Variants in NACC2 observed in about 807,000 individuals in gnomAD.
NACC2 encodes nucleus accumbens-associated protein 2.
NACC2 carries 8 observed loss-of-function variants against 25.1 expected under a neutral mutation model. The observed-to-expected ratio is 0.32, with a 90% CI of 0.19 to 0.57. The LOEUF (loss-of-function observed/expected upper bound fraction) is 0.57, where lower values mean the gene tolerates loss of function less well. Ranked by LOEUF, NACC2 falls within the 20% of genes least tolerant of loss-of-function variation. The probability of loss-of-function intolerance (pLI) is 0.89; values close to 1 mark genes in which losing one functional copy is unlikely to be tolerated. For synonymous variants in NACC2, 435 were observed against 294.7 expected (o/e 1.48, Z -4.88); for missense variants, 644 against 650.2 (o/e 0.99, Z 0.10).
At position 136,080,259 on chromosome 9, in the gene NACC2, G is replaced by C. The variant is rs1305482517; in HGVS notation, c.-60+14930C>G. Among the ~76,000 whole-genome samples, 3 of 152,106 alleles carry C rather than the reference G, an allele frequency of 2.0e-5. No individual in the cohort carries two copies. In the South Asian group the frequency reaches 6.2e-4, roughly 32 times the overall value. On this transcript the variant is annotated intron_variant, in intron 1 of 5. Transcript: ENST00000277554. Reference sequence around the variant, plus strand: ...ACAGCCTCATCCCAGCAGGGCCCCCGCACCCATCTCTGTGCTCTCCTTCTC... The same window carrying C: ...ACAGCCTCATCCCAGCAGGGCCCCCCCACCCATCTCTGTGCTCTCCTTCTC...
intron 1 of NACC2, among the ~76,000 whole-genome samples, chr9:136,051,604 G>A (rs1319444763): frequency 1.3e-4 from 20 of 152,118 alleles, no homozygotes; most frequent in African/African-American, 4.6e-4. Context: ...GCGGGCGGCC[G>A]CAGAGGCGCC....
intron 2 of NACC2, among the ~76,000 whole-genome samples, chr9:136,023,310 G>T (rs1203933547): frequency 6.6e-6 from 1 of 151,848 alleles, no homozygotes; most frequent in Non-Finnish European, 1.5e-5. Context: ...CCCGACGCGA[G>T]GGGCCGGCAT....
intron 3 of NACC2, among the ~76,000 whole-genome samples, chr9:136,014,222 C>A (rs1263552340): frequency 9.9e-5 from 15 of 152,084 alleles, no homozygotes; most frequent in Non-Finnish European, 1.9e-4. Flanking sequence ...GCCACAGCGC[C>A]CCCCACCCTC....
intron 1 of NACC2, among the ~76,000 whole-genome samples, chr9:136,068,986 C>T (rs931185460): frequency 6.7e-6 from 1 of 149,978 alleles, no homozygotes; most frequent in Non-Finnish European, 1.5e-5. Flanking sequence ...GGCACAATCT[C>T]GGCTCTGTCT....
At chr9:136,025,628 AC>A (rs1840376110) in intron 2 of NACC2, among the ~76,000 whole-genome samples, 1 of 151,894 alleles carries the variant, frequency 6.6e-6, no homozygotes, top group African/African-American at 2.4e-5. Context: ...AAAAAAAAAA[AC>A]GCAGCCGGGC....
intron 2 of NACC2, 110 bp downstream of exon 2, chr9:136,049,526 T>A: frequency 1.6e-6 from 1 of 621,020 alleles, no homozygotes; most frequent in Admixed American, 2.7e-5. Context: ...GGTGGGGGGC[T>A]CCCCTGTGGC....
chr9:136,053,808 G>A (rs1447860415), intron 1 of NACC2, among the ~76,000 whole-genome samples: 3 of 152,236 alleles, frequency 2.0e-5, no homozygotes, highest in Admixed American at 6.5e-5. Context: ...CAAAAGAGGG[G>A]ACAGGCAGAG....
At chr9:136,015,417 C>T (rs1350989834) in intron 3 of NACC2, among the ~76,000 whole-genome samples, 2 of 152,204 alleles carry the variant, frequency 1.3e-5, no homozygotes, top group Admixed American at 6.5e-5. Flanking sequence ...CCCAACACTG[C>T]CAGGTGCAGC....
At chr9:136,045,149 C>T (rs1302281314) in intron 2 of NACC2, among the ~76,000 whole-genome samples, 1 of 152,228 alleles carries the variant, frequency 6.6e-6, no homozygotes, top group Admixed American at 6.5e-5. Flanking sequence ...GTTCAGACCG[C>T]CCCATGGAAG....
intron 1 of NACC2, among the ~76,000 whole-genome samples, chr9:136,087,261 G>C (rs1379344907): frequency 6.6e-6 from 1 of 152,208 alleles, no homozygotes; most frequent in Non-Finnish European, 1.5e-5. Context: ...GCAGAACTGG[G>C]ACAGGAGCAC....
rs139182963 is a variant in NACC2 at position 136,071,213 on chromosome 9, G to A, written c.-59-20633C>T. 4.1e-3 allele frequency among the ~76,000 whole-genome samples: 617 copies of A among 150,894 alleles called. 29 individuals carry two copies. The highest frequency in any genetic ancestry group is 0.015 in the African/African-American group (596 of 40,714). On this transcript the variant is annotated intron_variant, in intron 1 of 5. Transcript: ENST00000277554. Reference sequence around the variant, plus strand: ...ATGCCACTACACTCCATCCAGCCTGGGAGACAGAGCAAGACTACGTCTCAA... The same window carrying A: ...ATGCCACTACACTCCATCCAGCCTGAGAGACAGAGCAAGACTACGTCTCAA...
rs571575110 is a variant in NACC2, at chr9:136,022,857, G to T, written c.887-6428C>A. On this transcript the variant is annotated intron_variant, in intron 2 of 5. Coordinates refer to ENST00000277554, the MANE Select transcript of NACC2 (RefSeq NM_144653.5). This position sits in a 1 kb window ranked among gnomAD's most constrained non-coding sequence, Gnocchi z 4.4. ...GCAAAGGTGCCACCAATTTAATCAT[G>T]CCACGCCATAACTGGGAAGGCAAAC... Among the ~76,000 whole-genome samples the T allele has an allele frequency of 6.6e-6, 1 of 151,422 alleles. No individual in the cohort carries two copies. Among genetic ancestry groups the T allele is most frequent in the East Asian group, 2.0e-4 (1 of 5,034 alleles).
intron 1 of NACC2, among the ~76,000 whole-genome samples, chr9:136,073,236 T>C (rs1373810916): frequency 6.6e-6 from 1 of 152,068 alleles, no homozygotes; most frequent in Non-Finnish European, 1.5e-5. Context: ...AAAACCAGCC[T>C]AGGCAACATA....
chr9:136,094,915 C>T (rs1830473147), intron 1 of NACC2, among the ~76,000 whole-genome samples: 1 of 148,950 alleles, frequency 6.7e-6, no homozygotes, highest in Non-Finnish European at 1.5e-5. Context: ...GAACGCGCGG[C>T]GCGGCGTCCC....
intron 1 of NACC2, among the ~76,000 whole-genome samples, chr9:136,070,674 A>C (rs1194688085): frequency 6.6e-6 from 1 of 151,286 alleles, no homozygotes; most frequent in Admixed American, 6.6e-5. Context: ...ATCAGAAAAA[A>C]AAAAAACAAA....
intron 2 of NACC2, among the ~76,000 whole-genome samples, 198 bp from the exon 3 acceptor site, chr9:136,016,627 G>A (rs552862180): frequency 6.6e-6 from 1 of 152,266 alleles, no homozygotes; most frequent in South Asian, 2.1e-4. Context: ...CCTACTTGGT[G>A]CCCTCTTGCC....
At chr9:136,085,893 C>T (rs1043210476) in intron 1 of NACC2, among the ~76,000 whole-genome samples, 9 of 152,116 alleles carry the variant, frequency 5.9e-5, no homozygotes, top group Non-Finnish European at 1.0e-4. Flanking sequence ...GCCCAGAGGC[C>T]GGGCGCCGTG....
At chr9:136,043,283 T>C (rs1273222173) in intron 2 of NACC2, among the ~76,000 whole-genome samples, 1 of 152,218 alleles carries the variant, frequency 6.6e-6, no homozygotes, top group Non-Finnish European at 1.5e-5. Flanking sequence ...TTTTAAAAAA[T>C]GGACAAAAGA....
At chr9:136,032,900 C>T (rs1840494474) in intron 2 of NACC2, among the ~76,000 whole-genome samples, 1 of 152,078 alleles carries the variant, frequency 6.6e-6, no homozygotes, top group Non-Finnish European at 1.5e-5. Context: ...CGCCTGTAAT[C>T]CCAGCTACTC....
Sources: gnomAD v4.1 joint callset for allele counts (sites outside exome capture counted in the v4.1 genomes callset) on GRCh38, gnomAD v4.1.1 for gene constraint, Gnocchi (gnomAD v3.1) non-coding constraint, MANE v1.5 for transcripts, NCBI Gene and HGNC (gene_info 2026-07-23, HGNC 2026-07-21) for gene names.